The following SLC4A10 variants were observed in gnomAD, a reference collection of about 807,000 sequenced individuals.
The protein encoded by SLC4A10 is solute carrier family 4 member 10.
A neutral mutation model predicts 137.7 loss-of-function variants in SLC4A10; 42 were observed. The ratio of observed to expected loss-of-function variants is 0.30; its 90% CI spans 0.24 to 0.39. The LOEUF (loss-of-function observed/expected upper bound fraction) is 0.39, where lower values mean the gene tolerates loss of function less well. Ranked by LOEUF, SLC4A10 falls within the 10% of genes least tolerant of loss-of-function variation. SLC4A10 has a pLI of 1.00. For missense variants in SLC4A10, 925 were observed against 1,355.0 expected, an observed-to-expected ratio of 0.68 and a Z score of 4.98; for synonymous variants, 474 against 464.1, an observed-to-expected ratio of 1.02 and a Z score of -0.27.
chr2:161,899,319 CTT>C (rs1156252802), intron 11 of SLC4A10, among the ~76,000 whole-genome samples: 1 of 152,046 alleles, frequency 6.6e-6, no homozygotes, highest in Non-Finnish European at 1.5e-5. Flanking sequence ...GCCTGCCACT[CTT>C]ATTCATTCCC....
intron 1 of SLC4A10, among the ~76,000 whole-genome samples, chr2:161,707,503 A>G (rs770340211): frequency 1.3e-5 from 2 of 151,160 alleles, no homozygotes; most frequent in Non-Finnish European, 3.0e-5. Context: ...GTTATAAAAC[A>G]CAACCTTTTG....
chr2:161,854,095 G>A (rs2059973481), intron 4 of SLC4A10, among the ~76,000 whole-genome samples: 1 of 152,104 alleles, frequency 6.6e-6, no homozygotes, highest in Admixed American at 6.6e-5. Flanking sequence ...AGGAGAAAAG[G>A]AATGAGGGAA....
intron 20 of SLC4A10, among the ~76,000 whole-genome samples, chr2:161,957,648 G>A (rs772228798): frequency 3.9e-5 from 6 of 152,120 alleles, no homozygotes; most frequent in Admixed American, 6.6e-5. Flanking sequence ...AAGAGATAGA[G>A]GTGAAGGGAT....
intron 1 of SLC4A10, among the ~76,000 whole-genome samples, chr2:161,665,949 T>A (rs935364443): frequency 2.0e-5 from 3 of 148,084 alleles, no homozygotes; most frequent in South Asian, 4.2e-4. Context: ...TATATATATA[T>A]AATATATAAA....
intron 1 of SLC4A10, among the ~76,000 whole-genome samples, chr2:161,752,642 T>TA (rs1410755738): frequency 6.6e-6 from 1 of 151,980 alleles, no homozygotes; most frequent in Non-Finnish European, 1.5e-5. Flanking sequence ...GCCATAAAAA[T>TA]AAAAAAATCT....
chr2:161,838,683 T>A (rs147719495), intron 3 of SLC4A10, among the ~76,000 whole-genome samples: 1 of 152,330 alleles, frequency 6.6e-6, no homozygotes, highest in African/African-American at 2.4e-5. Flanking sequence ...ATAAACACTT[T>A]GCCAGAGAAT....
chr2:161,713,528 T>G (rs900509690), intron 1 of SLC4A10, among the ~76,000 whole-genome samples: 1 of 151,818 alleles, frequency 6.6e-6, no homozygotes, highest in Non-Finnish European at 1.5e-5. Context: ...AGAGACCTCC[T>G]GCTTGTCCGT....
chr2:161,692,257 A>T (rs1287577703), intron 1 of SLC4A10, among the ~76,000 whole-genome samples: 2 of 152,080 alleles, frequency 1.3e-5, no homozygotes, highest in Non-Finnish European at 2.9e-5. Flanking sequence ...AAAAATTTTT[A>T]TGTAGATATA....
chr2:161,893,780 T>C (rs537439197), intron 10 of SLC4A10, among the ~76,000 whole-genome samples: 4 of 151,976 alleles, frequency 2.6e-5, no homozygotes, highest in Admixed American at 2.0e-4. Context: ...GCATAAAAAT[T>C]ATACAGTATA....
At chr2:161,834,660 T>C (rs950883028) in intron 3 of SLC4A10, among the ~76,000 whole-genome samples, 19 of 141,008 alleles carry the variant, frequency 1.3e-4, no homozygotes, top group Admixed American at 2.1e-4. Flanking sequence ...CTTTATCGCC[T>C]ACACACACAC....
intron 15 of SLC4A10, among the ~76,000 whole-genome samples, chr2:161,907,223 A>G (rs936652945): frequency 2.0e-5 from 3 of 152,210 alleles, no homozygotes; most frequent in Non-Finnish European, 4.4e-5. Context: ...TAATTTTCCC[A>G]TTAAAAGCAA....
chr2:161,943,089 T>C (rs370210282), intron 16 of SLC4A10, among the ~76,000 whole-genome samples, 192 bp downstream of exon 16: 1 of 152,110 alleles, frequency 6.6e-6, no homozygotes, highest in Admixed American at 6.6e-5. Flanking sequence ...GTTGTTCTAA[T>C]AGAAGACCAG....
intron 1 of SLC4A10, among the ~76,000 whole-genome samples, chr2:161,652,133 CAG>C (rs2036888867): frequency 6.6e-6 from 1 of 152,186 alleles, no homozygotes; most frequent in East Asian, 1.9e-4. Flanking sequence ...AGCCCATACT[CAG>C]GGGAGGGGAA....
At chr2:161,977,694 A>C in intron 25 of SLC4A10, 28 bp from the exon 26 acceptor site, 1 of 1,584,790 alleles carries the variant, frequency 6.3e-7, no homozygotes, top group Non-Finnish European at 8.6e-7. Flanking sequence ...TTTTCTACTT[A>C]ATTTTTATAT....
rs188532218 is a variant in SLC4A10 at position 161,791,965 on chromosome 2, A to C, written c.131-12484A>C. Among the ~76,000 whole-genome samples, 1,165 of 152,280 alleles carry C rather than the reference A, an allele frequency of 7.7e-3. 10 individuals carry two copies. The highest frequency in any genetic ancestry group is 0.011 in the Non-Finnish European group (756 of 68,014). On this transcript the variant is annotated intron_variant, in intron 2 of 26. Transcript: ENST00000446997. ...TAACAAATAACTAAGAAATCTTACA[A>C]AAGTATAGCTTCATAATTTGGGGGT... is the stretch of plus-strand genomic sequence containing the variant.
At chr2:161,831,283 CTTA>C (rs1213393654) in intron 3 of SLC4A10, among the ~76,000 whole-genome samples, 2 of 152,070 alleles carry the variant, frequency 1.3e-5, no homozygotes, top group East Asian at 1.9e-4. Flanking sequence ...ATTTCAATAA[CTTA>C]TTAATTGGTT....
chr2:161,958,375 A>G (rs1393752161), intron 20 of SLC4A10, 112 bp from the exon 21 acceptor site: 14 of 782,944 alleles, frequency 1.8e-5, no homozygotes, highest in Admixed American at 1.8e-4. Context: ...AATCTGTACT[A>G]TACTGTTTCT....
rs1430603894 is a variant in SLC4A10 at position 161,900,916 on chromosome 2, G to C, written c.1347G>C (p.Lys449Asn). 1 of 1,544,062 alleles carries C rather than the reference G, an allele frequency of 6.5e-7. No individual in the cohort carries two copies. Among genetic ancestry groups the C allele is most frequent in the East Asian group, 2.4e-5 (1 of 41,242 alleles). ...EPPKNVPSQEKRKIPAVPNGT... is the reference protein window; with the variant it reads ...EPPKNVPSQENRKIPAVPNGT... ...GAACAAAAAACTCTCCACAGGAGAA[G>C]AGGAAGATTCCTGCTGTACCAAATG... The change falls in exon 12 of 27, where the codon AAG (lysine) becomes AAC (asparagine). Residue 449 changes from lysine to asparagine, a missense_variant. By Grantham distance (94) the Lys-to-Asn change is moderately conservative. This residue lies in a region of SLC4A10 where 15 missense variants were observed against 49.1 expected (regional missense o/e 0.31). Coordinates refer to ENST00000446997, the MANE Select transcript of SLC4A10 (RefSeq NM_001178015.2).
chr2:161,736,959 C>T (rs2047407654), intron 1 of SLC4A10, among the ~76,000 whole-genome samples: 1 of 152,010 alleles, frequency 6.6e-6, no homozygotes, highest in South Asian at 2.1e-4. Flanking sequence ...CTCATGGGCT[C>T]AAGTGATCCT....
Sources: gnomAD v4.1 joint callset for allele counts (sites outside exome capture counted in the v4.1 genomes callset) on GRCh38, gnomAD v4.1.1 for gene constraint, gnomAD v4.1.1 regional missense constraint, MANE v1.5 for transcripts, NCBI Gene and HGNC (gene_info 2026-07-23, HGNC 2026-07-21) for gene names.